The following CIMIP6 variants were observed in gnomAD, a reference collection of about 807,000 sequenced individuals.
CIMIP6 encodes ciliary microtubule inner protein 6.
chr2:54,333,931 A>T, the CIMIP6 span, among the ~76,000 whole-genome samples: 1 of 151,980 alleles, frequency 6.6e-6, no homozygotes, highest in Non-Finnish European at 1.5e-5. Context: ...GAAGAGATGG[A>T]CCTGGCATTC....
the CIMIP6 span, among the ~76,000 whole-genome samples, chr2:54,346,871 C>T: frequency 2.0e-5 from 3 of 152,172 alleles, no homozygotes; most frequent in East Asian, 1.9e-4. Context: ...TACTTCTCAA[C>T]GTTCATAGAA....
chr2:54,330,904 A>T, the CIMIP6 span: 1 of 1,488,100 alleles, frequency 6.7e-7, no homozygotes, highest in East Asian at 2.3e-5. Flanking sequence ...CGCTTTGCGC[A>T]CCCTTTTCCT....
chr2:54,371,509 G>T, the CIMIP6 span, among the ~76,000 whole-genome samples: 17 of 152,236 alleles, frequency 1.1e-4, no homozygotes, highest in Non-Finnish European at 2.2e-4. Context: ...GTTCTGAGTG[G>T]CCCTGGGGAA....
At chr2:54,343,995 C>T in the CIMIP6 span, 6 of 911,098 alleles carry the variant, frequency 6.6e-6, no homozygotes, top group African/African-American at 1.7e-5. Context: ...GTTGAAAATA[C>T]ACACACAGCA....
chr2:54,378,072 G>T, the CIMIP6 span, among the ~76,000 whole-genome samples: 4 of 152,122 alleles, frequency 2.6e-5, no homozygotes, highest in African/African-American at 9.7e-5. Flanking sequence ...TGCAGAGCCG[G>T]GAGCATCAGG....
chr2:54,379,896 G>T, the CIMIP6 span, among the ~76,000 whole-genome samples: 1 of 151,720 alleles, frequency 6.6e-6, no homozygotes, highest in Admixed American at 6.6e-5. Context: ...AGACTCGCTT[G>T]AACCCAGGAG....
the CIMIP6 span, chr2:54,330,929 CCT>C: frequency 1.3e-6 from 2 of 1,598,748 alleles, no homozygotes; most frequent in South Asian, 2.2e-5. Flanking sequence ...GGGCTGCGTC[CCT>C]GTTCTTCCCA....
the CIMIP6 span, among the ~76,000 whole-genome samples, chr2:54,346,871 C>A: frequency 4.6e-5 from 7 of 152,172 alleles, no homozygotes; most frequent in Non-Finnish European, 1.0e-4. Flanking sequence ...TACTTCTCAA[C>A]GTTCATAGAA....
At chr2:54,364,762 T>A in the CIMIP6 span, among the ~76,000 whole-genome samples, 2 of 152,222 alleles carry the variant, frequency 1.3e-5, no homozygotes, top group Non-Finnish European at 2.9e-5. Context: ...ATTTTGGGAT[T>A]TAAAATACTC....
chr2:54,362,006 C>T, the CIMIP6 span, among the ~76,000 whole-genome samples: 5 of 152,194 alleles, frequency 3.3e-5, no homozygotes, highest in Admixed American at 1.3e-4. Context: ...TTGCCTCTGC[C>T]TGGAGCTATG....
the CIMIP6 span, among the ~76,000 whole-genome samples, chr2:54,333,328 TG>T: frequency 6.6e-6 from 1 of 152,164 alleles, no homozygotes; most frequent in Admixed American, 6.5e-5. Flanking sequence ...GCTGAGGAGA[TG>T]GTTTTAAGCT....
the CIMIP6 span, among the ~76,000 whole-genome samples, chr2:54,349,559 C>G: frequency 6.6e-6 from 1 of 152,102 alleles, no homozygotes; most frequent in Non-Finnish European, 1.5e-5. Flanking sequence ...ATGGACTTTG[C>G]CTTATTTTTT....
chr2:54,363,926 A>T, the CIMIP6 span, among the ~76,000 whole-genome samples: 1 of 152,236 alleles, frequency 6.6e-6, no homozygotes, highest in African/African-American at 2.4e-5. Flanking sequence ...CATAATTTAG[A>T]GGAGAATGGT....
the CIMIP6 span, among the ~76,000 whole-genome samples, chr2:54,338,110 C>G: frequency 6.6e-6 from 1 of 151,924 alleles, no homozygotes; most frequent in Non-Finnish European, 1.5e-5. Context: ...GCACTCCAGC[C>G]TGAGTGACAG....
the CIMIP6 span, among the ~76,000 whole-genome samples, chr2:54,384,173 A>G: frequency 6.6e-6 from 1 of 152,240 alleles, no homozygotes; most frequent in Non-Finnish European, 1.5e-5. Flanking sequence ...TTCTCGCAAT[A>G]AACCTCTCAA....
the CIMIP6 span, chr2:54,360,092 G>A: frequency 2.2e-6 from 3 of 1,341,114 alleles, no homozygotes; most frequent in South Asian, 1.7e-5. Flanking sequence ...AGGCAGAGAA[G>A]TGCCTGCATC....
At chr2:54,361,700 T>C in the CIMIP6 span, 1 of 152,162 alleles carries the variant, frequency 6.6e-6, no homozygotes. Flanking sequence ...CTTGTTATTT[T>C]AATAGCTCCA....
chr2:54,330,992 A>G, the CIMIP6 span: 4 of 1,613,710 alleles, frequency 2.5e-6, no homozygotes, highest in Non-Finnish European at 3.4e-6. Flanking sequence ...GAAAAGGAAG[A>G]TAAGCATCAG....
chr2:54,357,191 GA>G, the CIMIP6 span, among the ~76,000 whole-genome samples: 39 of 152,084 alleles, frequency 2.6e-4, no homozygotes, highest in African/African-American at 8.5e-4. Context: ...TGCTAACTGG[GA>G]AAAGATTGCC....
Sources: allele counts gnomAD v4.1 joint callset (sites outside exome capture counted in the v4.1 genomes callset), GRCh38; gene constraint gnomAD v4.1.1; transcripts MANE v1.5; gene names NCBI Gene and HGNC (gene_info 2026-07-23, HGNC 2026-07-21).